AUTS2: variants seen among roughly 807,000 people sequenced by gnomAD.
The protein encoded by AUTS2 is autism susceptibility gene 2 protein.
Under a neutral mutation model 112.4 loss-of-function variants are expected in AUTS2, and 17 were observed. The observed-to-expected ratio is 0.15, with a 90% CI of 0.10 to 0.23. AUTS2 has a LOEUF of 0.23. Ranked by LOEUF, AUTS2 falls within the 10% of genes least tolerant of loss-of-function variation. The pLI is 1.00. For missense variants in AUTS2, 1,510 were observed against 1,701.6 expected, an observed-to-expected ratio of 0.89 and a Z score of 1.98; for synonymous variants, 751 against 702.7, an observed-to-expected ratio of 1.07 and a Z score of -1.09.
At chr7:70,420,658 A>G (rs938196263) in intron 4 of AUTS2, among the ~76,000 whole-genome samples, 1 of 152,230 alleles carries the variant, frequency 6.6e-6, no homozygotes, top group Admixed American at 6.5e-5. Context: ...TTGTCAAAAT[A>G]GTAAGCAGTG....
chr7:70,670,828 G>A (rs1237159251), intron 5 of AUTS2, among the ~76,000 whole-genome samples: 1 of 152,126 alleles, frequency 6.6e-6, no homozygotes, highest in African/African-American at 2.4e-5. Context: ...TTATGCCCAG[G>A]CACTGACTGC....
chr7:70,662,514 C>T (rs1807126075), intron 5 of AUTS2, among the ~76,000 whole-genome samples: 2 of 152,196 alleles, frequency 1.3e-5, no homozygotes, highest in Admixed American at 6.5e-5. Flanking sequence ...AGAGTTGTAA[C>T]TGTATCTAGG....
intron 5 of AUTS2, among the ~76,000 whole-genome samples, chr7:70,645,549 T>TC (rs1450689538): frequency 6.6e-6 from 1 of 152,116 alleles, no homozygotes; most frequent in East Asian, 1.9e-4. Flanking sequence ...TGTGGTTTTT[T>TC]CCCATAGAGT....
chr7:69,937,464 G>A (rs1796459180), intron 2 of AUTS2, among the ~76,000 whole-genome samples: 1 of 152,144 alleles, frequency 6.6e-6, no homozygotes, highest in African/African-American at 2.4e-5. Context: ...TGTCTGGAGG[G>A]AACAGAAAAG....
intron 5 of AUTS2, among the ~76,000 whole-genome samples, chr7:70,456,216 A>G (rs760905272): frequency 2.0e-4 from 31 of 152,186 alleles, no homozygotes; most frequent in Non-Finnish European, 8.8e-5. Flanking sequence ...AACTCCATCC[A>G]TGTAAGATTT....
At chr7:70,229,050 G>C (rs1811915781) in intron 4 of AUTS2, among the ~76,000 whole-genome samples, 1 of 151,268 alleles carries the variant, frequency 6.6e-6, no homozygotes. Context: ...TATATTATAT[G>C]TCCTACAACA....
At chr7:70,609,705 G>A (rs1231868726) in intron 5 of AUTS2, among the ~76,000 whole-genome samples, 2 of 151,994 alleles carry the variant, frequency 1.3e-5, no homozygotes, top group Non-Finnish European at 2.9e-5. Flanking sequence ...GGGATTACAG[G>A]CGTGAGCCAC....
At chr7:70,617,630 A>T (rs932973830) in intron 5 of AUTS2, among the ~76,000 whole-genome samples, 47 of 151,438 alleles carry the variant, frequency 3.1e-4, no homozygotes, top group African/African-American at 9.3e-4. Flanking sequence ...ACCACTGCAC[A>T]CCAACCTGGG....
intron 14 of AUTS2, among the ~76,000 whole-genome samples, chr7:70,780,938 G>T (rs1223349710): frequency 6.6e-6 from 1 of 152,094 alleles, no homozygotes; most frequent in Non-Finnish European, 1.5e-5. Flanking sequence ...CTAATAAAAT[G>T]AGCTTTAAGA....
At chr7:70,517,713 C>T (rs1173902301) in intron 5 of AUTS2, among the ~76,000 whole-genome samples, 4 of 151,524 alleles carry the variant, frequency 2.6e-5, no homozygotes, top group Non-Finnish European at 5.9e-5. Context: ...TATACACATA[C>T]ATAGTTTGCA....
intron 4 of AUTS2, among the ~76,000 whole-genome samples, chr7:70,431,395 T>G (rs1335198792): frequency 6.6e-6 from 1 of 152,156 alleles, no homozygotes; most frequent in East Asian, 1.9e-4. Flanking sequence ...ATGTTTTTTT[T>G]GTTTGTTTGT....
intron 1 of AUTS2, among the ~76,000 whole-genome samples, chr7:69,757,820 C>T (rs1584196975): frequency 6.6e-6 from 1 of 152,320 alleles, no homozygotes; most frequent in Non-Finnish European, 1.5e-5. Context: ...GATATTCATT[C>T]ATTCATTGCT....
intron 4 of AUTS2, among the ~76,000 whole-genome samples, chr7:70,430,922 G>A (rs1795635675): frequency 1.5e-5 from 2 of 135,352 alleles, no homozygotes; most frequent in South Asian, 2.6e-4. Context: ...TGCAAGCTCC[G>A]CCTCCCGGGT....
chr7:69,932,794 A>G (rs774598874), intron 2 of AUTS2, among the ~76,000 whole-genome samples: 2 of 152,238 alleles, frequency 1.3e-5, no homozygotes, highest in Non-Finnish European at 2.9e-5. Context: ...TGAGTGTACG[A>G]TAGTGGCTTC....
chr7:70,321,666 T>G (rs750284367), intron 4 of AUTS2, among the ~76,000 whole-genome samples: 17 of 152,064 alleles, frequency 1.1e-4, no homozygotes, highest in African/African-American at 3.9e-4. Flanking sequence ...AGTTAGAAAA[T>G]TTATAGATGG....
intron 5 of AUTS2, among the ~76,000 whole-genome samples, chr7:70,488,221 T>C (rs1798093952): frequency 6.6e-6 from 1 of 152,222 alleles, no homozygotes. Context: ...CCCGGCGCTC[T>C]AAGCTGAGGA....
intron 1 of AUTS2, among the ~76,000 whole-genome samples, chr7:69,666,151 T>C (rs1796024060): frequency 6.6e-6 from 1 of 152,234 alleles, no homozygotes; most frequent in Non-Finnish European, 1.5e-5. Context: ...GACATACATA[T>C]GTGTACATAT....
At chr7:70,594,437 C>G (rs113507940) in intron 5 of AUTS2, among the ~76,000 whole-genome samples, 8 of 152,132 alleles carry the variant, frequency 5.3e-5, no homozygotes, top group Non-Finnish European at 8.8e-5. Flanking sequence ...TGGAGAGAAC[C>G]GGTGATTTGA....
intron 2 of AUTS2, among the ~76,000 whole-genome samples, chr7:70,018,842 A>G (rs1800146519): frequency 6.6e-6 from 1 of 152,252 alleles, no homozygotes; most frequent in African/African-American, 2.4e-5. Flanking sequence ...CCATTGTGAA[A>G]GACAGTATGT....
Sources: allele counts gnomAD v4.1 joint callset (sites outside exome capture counted in the v4.1 genomes callset), GRCh38; gene constraint gnomAD v4.1.1; transcripts MANE v1.5; gene names NCBI Gene and HGNC (gene_info 2026-07-23, HGNC 2026-07-21).